SV2C: variants seen among roughly 807,000 people sequenced by gnomAD.
SV2C encodes the protein solute carrier family 22 member B3.
In SV2C, 49 loss-of-function variants were observed where a neutral mutation model predicts 79.7. The observed-to-expected ratio is 0.61, with a 90% confidence interval of 0.49 to 0.78. The LOEUF (loss-of-function observed/expected upper bound fraction) is 0.78. Among genes scored for constraint, SV2C ranks in the 30% least tolerant of loss-of-function variants. SV2C has a pLI of 0.00. For synonymous variants in SV2C, 334 were observed against 333.2 expected (o/e 1.00, Z -0.03); for missense variants, 833 against 912.9 (o/e 0.91, Z 1.13).
the SV2C span, among the ~76,000 whole-genome samples, chr5:75,871,858 C>T: frequency 1.6e-5 from 2 of 124,408 alleles, no homozygotes; most frequent in African/African-American, 3.0e-5. Context: ...CACACACACA[C>T]GTATATATAT....
chr5:76,029,350 T>C, the SV2C span, among the ~76,000 whole-genome samples: 3 of 152,188 alleles, frequency 2.0e-5, no homozygotes, highest in Non-Finnish European at 4.4e-5. Flanking sequence ...ACTGAAAATG[T>C]TGTGTTCTTT....
chr5:76,194,147 A>G lies in SV2C; in HGVS notation c.581-772A>G, dbSNP rs148914315. 5.2e-3 allele frequency among the ~76,000 whole-genome samples: 787 copies of G among 152,210 alleles called. 6 individuals carry two copies. The highest frequency in any genetic ancestry group is 0.017 in the African/African-American group (724 of 41,534). The stretch of plus-strand genomic sequence containing the variant: ...CTGGGTGGGGGCAGTTCTGAAAGAC[A>G]TAAGGAGAAGGGGATAGGCGAGGCT... On this transcript the variant is annotated intron_variant, in intron 2 of 12. Transcript: ENST00000502798.
intron 2 of SV2C, among the ~76,000 whole-genome samples, chr5:76,182,416 G>A (rs945400935): frequency 1.3e-5 from 2 of 152,136 alleles, no homozygotes; most frequent in Admixed American, 1.3e-4. Context: ...AATACTTACA[G>A]CCTTTTCTCT....
chr5:76,096,330 T>G (rs2112108535), intron 1 of SV2C, among the ~76,000 whole-genome samples: 1 of 152,268 alleles, frequency 6.6e-6, no homozygotes, highest in African/African-American at 2.4e-5. Flanking sequence ...TTCTTTATGC[T>G]GAGAAAAAAG....
intron 4 of SV2C, among the ~76,000 whole-genome samples, chr5:76,250,672 C>T (rs1335308758): frequency 2.0e-5 from 3 of 152,202 alleles, no homozygotes; most frequent in Non-Finnish European, 2.9e-5. Context: ...AGAAGGGTCT[C>T]CGCTCCTGGG....
chr5:76,249,984 G>A (rs952540556), intron 4 of SV2C, among the ~76,000 whole-genome samples: 36 of 152,242 alleles, frequency 2.4e-4, no homozygotes, highest in Non-Finnish European at 4.0e-4. Flanking sequence ...TATTCTGAAC[G>A]TTTGCTTTGT....
At chr5:76,292,298 C>T (rs1747596180) in intron 8 of SV2C, among the ~76,000 whole-genome samples, 1 of 152,210 alleles carries the variant, frequency 6.6e-6, no homozygotes, top group Non-Finnish European at 1.5e-5. Flanking sequence ...GTCACCTTCT[C>T]AGTGATGTCA....
chr5:76,280,516 T>C (rs1561296451), intron 4 of SV2C, among the ~76,000 whole-genome samples: 1 of 152,138 alleles, frequency 6.6e-6, no homozygotes, highest in Admixed American at 6.5e-5. Flanking sequence ...TCAGCTGATA[T>C]GATGTTCCAG....
At position 76,294,853 on chromosome 5, in the gene SV2C, G is replaced by A. The variant is rs190785924; in HGVS notation, c.1338-925G>A. ...AACTTGGAATCTCTGAGAATAACAC[G>A]AATGTCCTCTTCCCAGCCTCTAACT... On this transcript the variant is annotated intron_variant, in intron 8 of 12. Transcript: ENST00000502798. 4.6e-5 allele frequency among the ~76,000 whole-genome samples: 7 copies of A among 152,236 alleles called. No homozygotes were observed. In the East Asian group the frequency reaches 5.8e-4, roughly 13 times the overall value.
chr5:75,881,557 C>G, the SV2C span, among the ~76,000 whole-genome samples: 2 of 151,998 alleles, frequency 1.3e-5, no homozygotes, highest in African/African-American at 4.8e-5. Flanking sequence ...CTCTTTGAAG[C>G]AATTGTGAAT....
At chr5:76,061,404 GACAA>G in the SV2C span, among the ~76,000 whole-genome samples, 5 of 151,118 alleles carry the variant, frequency 3.3e-5, no homozygotes, top group Admixed American at 3.3e-4. Context: ...TTTGACTCAT[GACAA>G]ACAGTGAATC....
the SV2C span, among the ~76,000 whole-genome samples, chr5:76,049,003 GAA>G: frequency 1.1e-4 from 10 of 87,902 alleles, no homozygotes; most frequent in East Asian, 1.5e-3. Context: ...AAGAAAGAAA[GAA>G]AGAAAGAAAG....
chr5:76,278,617 G>GCTTA (rs1278448328), intron 4 of SV2C, among the ~76,000 whole-genome samples: 1 of 152,164 alleles, frequency 6.6e-6, no homozygotes, highest in African/African-American at 2.4e-5. Flanking sequence ...CAGGAAAAAG[G>GCTTA]CTTAGCCCCC....
intron 6 of SV2C, 32 bp downstream of exon 6, chr5:76,285,902 CA>C (rs749519357): frequency 6.3e-7 from 1 of 1,579,304 alleles, no homozygotes; most frequent in Admixed American, 1.7e-5. Context: ...TCCTCAACAC[CA>C]GGGATTGGGA....
the SV2C span, among the ~76,000 whole-genome samples, chr5:75,970,389 G>A: frequency 1.3e-5 from 2 of 152,132 alleles, no homozygotes; most frequent in East Asian, 1.9e-4. Context: ...CCAGGAGCTG[G>A]TTTTTTGAAA....
At chr5:76,226,647 C>A (rs573356796) in intron 4 of SV2C, among the ~76,000 whole-genome samples, 1 of 152,184 alleles carries the variant, frequency 6.6e-6, no homozygotes, top group Admixed American at 6.5e-5. Context: ...TTCCCATAAT[C>A]CTCCAATGTT....
the SV2C span, among the ~76,000 whole-genome samples, chr5:75,958,517 C>T: frequency 6.6e-6 from 1 of 152,002 alleles, no homozygotes; most frequent in South Asian, 2.1e-4. Context: ...AACAGATTAT[C>T]TTAAGGCAGC....
rs1484438926 is a variant in SV2C, at chr5:76,312,661, C to G, written c.2000+11116C>G. On this transcript the variant is annotated intron_variant, in intron 12 of 12. Coordinates refer to ENST00000502798, the MANE Select transcript of SV2C (RefSeq NM_014979.4). ...CCGTCCTGCAACTCTGCACAGACTCCCAGGGCCAGGCAAGCCTGTCTCATG... is the reference window on the plus strand; with the variant it reads ...CCGTCCTGCAACTCTGCACAGACTCGCAGGGCCAGGCAAGCCTGTCTCATG... Among the ~76,000 whole-genome samples, 6 of 152,294 alleles carry G rather than the reference C, an allele frequency of 3.9e-5. No individual in the cohort carries two copies. The East Asian group carries it at 1.2e-3, about 29-fold the overall frequency.
the SV2C span, among the ~76,000 whole-genome samples, chr5:75,916,828 A>G: frequency 4.2e-4 from 64 of 152,250 alleles, no homozygotes; most frequent in Non-Finnish European, 7.3e-4. Flanking sequence ...TTTTCTGGCC[A>G]GGGAATGGGC....
Sources: allele counts gnomAD v4.1 joint callset (sites outside exome capture counted in the v4.1 genomes callset), GRCh38; gene constraint gnomAD v4.1.1; transcripts MANE v1.5; gene names NCBI Gene and HGNC (gene_info 2026-07-23, HGNC 2026-07-21).